The following ZC3HAV1 variants were observed in gnomAD, a reference collection of about 807,000 sequenced individuals.
ZC3HAV1 encodes zinc finger CCCH-type antiviral protein 1.
ZC3HAV1 carries 41 observed loss-of-function variants against 86.6 expected under a neutral mutation model. The observed-to-expected ratio is 0.47, with a 90% CI of 0.37 to 0.61. ZC3HAV1 has a LOEUF of 0.61. ZC3HAV1 is among the 20% of genes least tolerant of loss of function. The pLI, the probability that ZC3HAV1 is intolerant of heterozygous loss-of-function variation, is 0.00. For missense variants in ZC3HAV1, 964 were observed against 1,141.1 expected, an observed-to-expected ratio of 0.84 and a Z score of 2.24; for synonymous variants, 421 against 432.1, an observed-to-expected ratio of 0.97 and a Z score of 0.32.
chr7:139,091,701 C>G (rs1199732761), intron 1 of ZC3HAV1, among the ~76,000 whole-genome samples: 12 of 152,024 alleles, frequency 7.9e-5, no homozygotes, highest in Admixed American at 7.9e-4. Flanking sequence ...ACTACAGCCT[C>G]GAACTCCTGG....
At chr7:139,053,200 G>A (rs1047587615) in intron 12 of ZC3HAV1, among the ~76,000 whole-genome samples, 2 of 152,166 alleles carry the variant, frequency 1.3e-5, no homozygotes, top group East Asian at 1.9e-4. Context: ...TTACAAGCAC[G>A]TATGAAGACT....
intron 7 of ZC3HAV1, among the ~76,000 whole-genome samples, chr7:139,066,363 GCA>G (rs997436725): frequency 3.9e-5 from 6 of 152,306 alleles, no homozygotes; most frequent in South Asian, 2.1e-4. Context: ...AAAACGTCCT[GCA>G]CAGAGAAAGG....
chr7:139,076,524 T>A, intron 5 of ZC3HAV1, 115 bp from the exon 6 acceptor site: 1 of 1,368,314 alleles, frequency 7.3e-7, no homozygotes, highest in Non-Finnish European at 1.0e-6. Flanking sequence ...GCCAGACAGG[T>A]TCCATCTATA....
At position 139,109,036 on chromosome 7, in the gene ZC3HAV1, G is replaced by T; in HGVS notation, c.296C>A (p.Ser99Ter). 6.4e-7 allele frequency: 1 copy of T among 1,569,794 alleles called. No homozygotes were observed. The highest frequency in any genetic ancestry group is 2.3e-5 in the East Asian group (1 of 42,978). The change falls in exon 1 of 13, where the codon TCG becomes TAG. Residue 99 changes from serine to a stop codon, truncating the protein, a stop_gained. Transcript: ENST00000242351. LOFTEE classifies it high-confidence loss of function. Reference sequence around the variant, plus strand: ...CGGGTGCACTCACCGCTCGGACTGCGAATAGTTGCACCGGCCCAGCAAGTT... The same window carrying T: ...CGGGTGCACTCACCGCTCGGACTGCTAATAGTTGCACCGGCCCAGCAAGTT... ...KLNLLGRCNY[S>*]QSERNLCKYS...
At chr7:139,095,804 T>C (rs1458016778) in intron 1 of ZC3HAV1, among the ~76,000 whole-genome samples, 4 of 152,138 alleles carry the variant, frequency 2.6e-5, no homozygotes, top group Non-Finnish European at 4.4e-5. Context: ...AAAAACCATC[T>C]AGGGACTTAA....
intron 1 of ZC3HAV1, among the ~76,000 whole-genome samples, chr7:139,094,633 T>C (rs1271474473): frequency 5.9e-5 from 9 of 152,216 alleles, no homozygotes; most frequent in Non-Finnish European, 1.0e-4. Flanking sequence ...AATGTTATTT[T>C]AGCCCAGGCA....
At chr7:139,080,965 G>A (rs1040293136) in intron 3 of ZC3HAV1, among the ~76,000 whole-genome samples, 4 of 152,140 alleles carry the variant, frequency 2.6e-5, no homozygotes, top group Non-Finnish European at 5.9e-5. Flanking sequence ...AATTTTTCCA[G>A]TTTTCTTCAT....
At chr7:139,087,159 C>T (rs12535022) in intron 2 of ZC3HAV1, among the ~76,000 whole-genome samples, 44,802 of 151,996 alleles carry the variant, frequency 0.29, 7,771 homozygotes, top group African/African-American at 0.47. Context: ...CTCTCAAGTG[C>T]CATGACAAGA....
Position 139,044,315 on chromosome 7 carries a change from G to A in ZC3HAV1, c.*3279C>T, listed in dbSNP as rs1278913569. The stretch of plus-strand genomic sequence containing the variant: ...ATTTTCCTGTACTTGTTTACAGGAA[G>A]TAGCCTCTAATCGGCTCTTAAATCC... On this transcript the variant is annotated 3_prime_UTR_variant, in exon 13 of 13. Coordinates refer to ENST00000242351, the MANE Select transcript of ZC3HAV1 (RefSeq NM_020119.4). 2 of 152,120 alleles carry A rather than the reference G, an allele frequency of 1.3e-5. No homozygotes were observed. The highest frequency in any genetic ancestry group is 2.1e-4 in the South Asian group (1 of 4,822). The allele number at this position is 152,120 out of a possible 1,614,324, so 9.4% of individuals were successfully genotyped here.
At chr7:139,070,034 ATTATTTTAATTTTACT>A (rs1216390082) in intron 7 of ZC3HAV1, among the ~76,000 whole-genome samples, 1 of 152,092 alleles carries the variant, frequency 6.6e-6, no homozygotes, top group Non-Finnish European at 1.5e-5. Context: ...TCCTGGAAAC[ATTATTTTAATTTTACT>A]TGGACTCCCA....
At chr7:139,051,428 A>G (rs1013978985) in intron 12 of ZC3HAV1, among the ~76,000 whole-genome samples, 14 of 142,700 alleles carry the variant, frequency 9.8e-5, no homozygotes, top group Admixed American at 7.7e-4. Flanking sequence ...TTTTTTTGAG[A>G]CAAAATGTTG....
At chr7:139,052,530 A>G (rs1186417793) in intron 12 of ZC3HAV1, among the ~76,000 whole-genome samples, 1 of 148,346 alleles carries the variant, frequency 6.7e-6, no homozygotes, top group Non-Finnish European at 1.5e-5. Context: ...ACTTGAACCA[A>G]GGAGGTGAAG....
In ZC3HAV1 at chr7:139,109,372, G is replaced by C. The variant is rs1818040810; in HGVS notation, c.-41C>G. ...CTGGCTCTGCCGCGGCGCGGGACTCGGTTCCGCGGAAATCGGAAATCGAAA... is the reference window on the plus strand; with the variant it reads ...CTGGCTCTGCCGCGGCGCGGGACTCCGTTCCGCGGAAATCGGAAATCGAAA... On this transcript the variant is annotated 5_prime_UTR_variant, in exon 1 of 13. Coordinates refer to ENST00000242351, the MANE Select transcript of ZC3HAV1 (RefSeq NM_020119.4). 1.3e-6 allele frequency: 2 copies of C among 1,504,686 alleles called. No individual in the cohort carries two copies. The highest frequency in any genetic ancestry group is 2.8e-5 in the African/African-American group (2 of 72,064). The allele number at this position is 1,504,686 out of a possible 1,614,324, so 93.2% of individuals were successfully genotyped here.
intron 4 of ZC3HAV1, 60 bp downstream of exon 4, chr7:139,079,410 A>T: frequency 6.2e-7 from 1 of 1,613,328 alleles, no homozygotes; most frequent in Admixed American, 1.7e-5. Flanking sequence ...ACTTGACTAG[A>T]GCCATTTGGT....
intron 1 of ZC3HAV1, among the ~76,000 whole-genome samples, chr7:139,097,412 A>ATTTTTT (rs1387959860): frequency 2.7e-4 from 20 of 74,338 alleles, no homozygotes; most frequent in South Asian, 5.3e-4. Context: ...ATATATATAT[A>ATTTTTT]TATATATATA....
rs758925075 is a variant in ZC3HAV1 at position 139,047,605 on chromosome 7, C to T, written c.2698G>A (p.Val900Met). The T allele has an allele frequency of 3.1e-6, 5 of 1,613,918 alleles. No individual in the cohort carries two copies. Among genetic ancestry groups the T allele is most frequent in the East Asian group, 2.2e-5 (1 of 44,892 alleles). ...TGTATTCATCGGTTCTAACTAATCA[C>T]GCAGGCTTTGTCTTCAGTATATTCA... Reference protein sequence around the residue: ...VIEYTEDKACVIS With the variant: ...VIEYTEDKACMIS The change falls in exon 13 of 13, where the codon GTG (valine) becomes ATG (methionine). Residue 900 changes from valine (V) to methionine (M), a missense_variant. Transcript: ENST00000242351.
Position 139,046,986 on chromosome 7 carries a change from C to A in ZC3HAV1, c.*608G>T, listed in dbSNP as rs1403344730. On this transcript the variant is annotated 3_prime_UTR_variant, in exon 13 of 13. Transcript: ENST00000242351. ...CAGCCTTTACCAGTTACATCTGAGA[C>A]AAGGTAAACTTTCCAACACATTGGA... 3 of 152,334 alleles carry A rather than the reference C, an allele frequency of 2.0e-5. No homozygotes were observed. The highest frequency in any genetic ancestry group is 4.4e-5 in the Non-Finnish European group (3 of 68,176). 9.4% of individuals were successfully genotyped at this position (152,334 alleles called of 1,614,324 possible). A position where few individuals can be genotyped will look rare whatever the true frequency, so the allele number is the denominator to read the frequency against.
At position 139,081,113 on chromosome 7, in the gene ZC3HAV1, T is replaced by A. The variant is rs1369238813; in HGVS notation, c.698-870A>T. Reference sequence around the variant, plus strand: ...GGAGGAAGGAAGGAGTTAGGGTGTGTTTGTGAGCGCGTGTGGAGTGTGTGT... The same window carrying A: ...GGAGGAAGGAAGGAGTTAGGGTGTGATTGTGAGCGCGTGTGGAGTGTGTGT... On this transcript the variant is annotated intron_variant, in intron 3 of 12. Transcript: ENST00000242351. Among the ~76,000 whole-genome samples, 8 of 152,002 alleles carry A rather than the reference T, an allele frequency of 5.3e-5. No individual in the cohort carries two copies. The East Asian group carries it at 1.5e-3, about 29-fold the overall frequency.
intron 1 of ZC3HAV1, among the ~76,000 whole-genome samples, chr7:139,101,436 G>C (rs1474379941): frequency 2.4e-5 from 3 of 123,762 alleles, no homozygotes; most frequent in South Asian, 5.9e-4. Flanking sequence ...TGAGATGCGG[G>C]GAGCGCCTCT....
Sources: gnomAD v4.1 joint callset for allele counts (sites outside exome capture counted in the v4.1 genomes callset) on GRCh38, gnomAD v4.1.1 for gene constraint, MANE v1.5 for transcripts, NCBI Gene and HGNC (gene_info 2026-07-23, HGNC 2026-07-21) for gene names.